The following B3GALT1 variants were observed in gnomAD, a reference collection of about 807,000 sequenced individuals.
B3GALT1 encodes UDP-Gal:betaGlcNAc beta 1,3-galactosyltransferase, polypeptide 1.
In B3GALT1, 10 loss-of-function variants were observed where a neutral mutation model predicts 23.2. The ratio of observed to expected loss-of-function variants is 0.43; its 90% CI spans 0.27 to 0.73. The LOEUF (loss-of-function observed/expected upper bound fraction) is 0.73. B3GALT1 is among the 30% of genes least tolerant of loss of function. B3GALT1 has a pLI of 0.21. For missense variants in B3GALT1, 299 were observed against 405.4 expected (o/e 0.74, Z 2.25); for synonymous variants, 156 against 141.5 (o/e 1.10, Z -0.73).
At chr2:167,668,845 G>C (rs765479342) in intron 3 of B3GALT1, among the ~76,000 whole-genome samples, 8 of 152,186 alleles carry the variant, frequency 5.3e-5, no homozygotes, top group East Asian at 1.9e-4. Context: ...TGCGCCCACT[G>C]TCTGGCACTC....
chr2:167,582,410 G>C (rs555581426), intron 2 of B3GALT1, among the ~76,000 whole-genome samples: 4 of 152,258 alleles, frequency 2.6e-5, no homozygotes, highest in Non-Finnish European at 4.4e-5. Flanking sequence ...TACTCACACT[G>C]TACTCAGATA....
intron 3 of B3GALT1, among the ~76,000 whole-genome samples, chr2:167,793,257 T>G (rs761249005): frequency 9.2e-5 from 14 of 152,120 alleles, no homozygotes; most frequent in Non-Finnish European, 1.8e-4. Context: ...ACCTAGTGCT[T>G]CTTTTTCAGA....
intron 2 of B3GALT1, among the ~76,000 whole-genome samples, chr2:167,582,927 A>C (rs1334735495): frequency 6.6e-6 from 1 of 152,168 alleles, no homozygotes; most frequent in Non-Finnish European, 1.5e-5. Flanking sequence ...ACAGCTCAGC[A>C]TTCCTGCCAT....
Position 167,841,440 on chromosome 2 carries a change from G to A in B3GALT1, c.-230+22647G>A, listed in dbSNP as rs932380073. On this transcript the variant is annotated intron_variant, in intron 4 of 4. Transcript: ENST00000392690. ...GGTTGGTGCCTTTCTGTGCCTTTGG[G>A]CCAATAAAGACAATGGGATTAAACC... is the stretch of plus-strand genomic sequence containing the variant. Among the ~76,000 whole-genome samples, 8 of 152,094 alleles carry A rather than the reference G, an allele frequency of 5.3e-5. 1 individual carries two copies. The highest frequency in any genetic ancestry group is 5.2e-4 in the Admixed American group (8 of 15,274).
chr2:167,566,747 G>A (rs1271621854), intron 2 of B3GALT1, among the ~76,000 whole-genome samples: 2 of 152,124 alleles, frequency 1.3e-5, no homozygotes, highest in South Asian at 4.1e-4. Flanking sequence ...AGCTAATGAA[G>A]TGCAAAAGGG....
chr2:167,476,413 C>T (rs1430478224), intron 1 of B3GALT1, among the ~76,000 whole-genome samples: 7 of 152,134 alleles, frequency 4.6e-5, no homozygotes, highest in African/African-American at 1.7e-4. Context: ...TATTTGCCCA[C>T]TGGGTTGCAG....
intron 1 of B3GALT1, among the ~76,000 whole-genome samples, chr2:167,363,810 A>G (rs1697539527): frequency 1.3e-5 from 2 of 152,152 alleles, no homozygotes; most frequent in African/African-American, 4.8e-5. Context: ...GAAATTCTCA[A>G]AACAGTTTTG....
intron 3 of B3GALT1, among the ~76,000 whole-genome samples, chr2:167,745,645 C>T (rs1318348449): frequency 6.6e-6 from 1 of 152,028 alleles, no homozygotes; most frequent in Non-Finnish European, 1.5e-5. Flanking sequence ...GAGAATCTTA[C>T]TATCATATTT....
At chr2:167,590,305 C>T (rs1251607295) in intron 2 of B3GALT1, among the ~76,000 whole-genome samples, 2 of 148,502 alleles carry the variant, frequency 1.3e-5, no homozygotes, top group African/African-American at 5.0e-5. Flanking sequence ...GAGATCGTGC[C>T]ACTGCACTCC....
At chr2:167,463,570 T>C (rs755268135) in intron 1 of B3GALT1, among the ~76,000 whole-genome samples, 61 of 152,162 alleles carry the variant, frequency 4.0e-4, no homozygotes, top group South Asian at 1.0e-3. Context: ...GGACCCATAA[T>C]CACTTACTTG....
intron 1 of B3GALT1, among the ~76,000 whole-genome samples, chr2:167,347,383 T>C (rs2105252450): frequency 1.3e-5 from 2 of 152,322 alleles, no homozygotes; most frequent in South Asian, 4.1e-4. Context: ...TTTATCTTAA[T>C]TGACCATTAG....
chr2:167,355,718 A>T (rs191998031), intron 1 of B3GALT1, among the ~76,000 whole-genome samples: 1 of 152,304 alleles, frequency 6.6e-6, no homozygotes, highest in East Asian at 1.9e-4. Context: ...CTTTTAAAAA[A>T]ATCCATTGTG....
chr2:167,373,772 T>C (rs1697720276), intron 1 of B3GALT1, among the ~76,000 whole-genome samples: 1 of 152,186 alleles, frequency 6.6e-6, no homozygotes, highest in Non-Finnish European at 1.5e-5. Flanking sequence ...TTGGCCCAGC[T>C]GGTCTCAAAC....
In B3GALT1 at chr2:167,564,968, G is replaced by A. The variant is rs561414913; in HGVS notation, c.-410+74691G>A. Among the ~76,000 whole-genome samples, 8 of 152,278 alleles carry A rather than the reference G, an allele frequency of 5.3e-5. No homozygotes were observed. The East Asian group carries it at 1.4e-3, about 26-fold the overall frequency. Reference sequence around the variant, plus strand: ...GTAGATTCCATGCCATCCCTATCAAGCTACCAATGACTTTCTTCACATAAT... The same window carrying A: ...GTAGATTCCATGCCATCCCTATCAAACTACCAATGACTTTCTTCACATAAT... On this transcript the variant is annotated intron_variant, in intron 2 of 4. Coordinates refer to ENST00000392690, the MANE Select transcript of B3GALT1 (RefSeq NM_020981.4).
intron 3 of B3GALT1, among the ~76,000 whole-genome samples, chr2:167,784,244 C>T (rs7562394): frequency 0.083 from 12,678 of 152,150 alleles, 1,229 homozygotes; most frequent in East Asian, 0.31. Flanking sequence ...TGCTGGCTTC[C>T]GATTACCAGG....
chr2:167,759,621 G>A (rs1687870158), intron 3 of B3GALT1, among the ~76,000 whole-genome samples: 1 of 152,196 alleles, frequency 6.6e-6, no homozygotes, highest in African/African-American at 2.4e-5. Flanking sequence ...GTTGTTAGGA[G>A]CAAGCCGGTA....
intron 3 of B3GALT1, among the ~76,000 whole-genome samples, chr2:167,668,756 C>T (rs1558943317): frequency 6.6e-6 from 1 of 152,200 alleles, no homozygotes; most frequent in Non-Finnish European, 1.5e-5. Context: ...AAAGGGAACT[C>T]CCTGACCCCT....
At chr2:167,322,193 C>T (rs985385710) in intron 1 of B3GALT1, among the ~76,000 whole-genome samples, 3 of 151,372 alleles carry the variant, frequency 2.0e-5, no homozygotes, top group East Asian at 1.9e-4. Context: ...AAAAATATTT[C>T]GAAAATACTG....
chr2:167,624,231 C>A (rs1455611895), intron 2 of B3GALT1, among the ~76,000 whole-genome samples: 1 of 152,026 alleles, frequency 6.6e-6, no homozygotes, highest in Non-Finnish European at 1.5e-5. Context: ...CCACCAACTT[C>A]TTTCTCTCAG....
Sources: gnomAD v4.1 joint callset for allele counts (sites outside exome capture counted in the v4.1 genomes callset) on GRCh38, gnomAD v4.1.1 for gene constraint, MANE v1.5 for transcripts, NCBI Gene and HGNC (gene_info 2026-07-23, HGNC 2026-07-21) for gene names.